SRGAP3: variants seen among roughly 807,000 people sequenced by gnomAD.
The protein encoded by SRGAP3 is SLIT-ROBO Rho GTPase activating protein 3.
Under a neutral mutation model 121.1 loss-of-function variants are expected in SRGAP3, and 39 were observed. The ratio of observed to expected loss-of-function variants is 0.32; its 90% CI spans 0.25 to 0.42. The LOEUF (loss-of-function observed/expected upper bound fraction) is 0.42, where lower values mean the gene tolerates loss of function less well. SRGAP3 is among the 10% of genes least tolerant of loss of function. The pLI is 1.00. For missense variants in SRGAP3, 1,213 were observed against 1,470.6 expected, an observed-to-expected ratio of 0.82 and a Z score of 2.86; for synonymous variants, 601 against 570.0, an observed-to-expected ratio of 1.05 and a Z score of -0.77.
chr3:9,145,423 T>C (rs1949991396), intron 1 of SRGAP3, among the ~76,000 whole-genome samples: 1 of 152,206 alleles, frequency 6.6e-6, no homozygotes, highest in Non-Finnish European at 1.5e-5. Flanking sequence ...TTCTCTCTGT[T>C]TTATGTAAGT....
chr3:9,091,493 T>C (rs1472489335), intron 3 of SRGAP3, among the ~76,000 whole-genome samples: 1 of 152,146 alleles, frequency 6.6e-6, no homozygotes, highest in Non-Finnish European at 1.5e-5. Flanking sequence ...TCACAAAACT[T>C]GAGACCCACA....
In SRGAP3 at chr3:9,212,470, C is replaced by T. The variant is rs572841045; in HGVS notation, c.67+36415G>A. ...GGCACAGTGGCTCATGCCTGTAATC[C>T]CAGCACTTTGGGAGGCTGAGGCAGG... is the stretch of plus-strand genomic sequence containing the variant. On this transcript the variant is annotated intron_variant, in intron 1 of 21. Coordinates refer to ENST00000383836, the MANE Select transcript of SRGAP3 (RefSeq NM_014850.4). 4.0e-5 allele frequency among the ~76,000 whole-genome samples: 6 copies of T among 151,262 alleles called. No homozygotes were observed. The South Asian group carries it at 1.2e-3, about 31-fold the overall frequency.
At chr3:9,168,980 G>C (rs532781457) in intron 1 of SRGAP3, among the ~76,000 whole-genome samples, 1 of 152,332 alleles carries the variant, frequency 6.6e-6, no homozygotes, top group East Asian at 1.9e-4. Flanking sequence ...ACCCAGGTGA[G>C]AGCAAGATTT....
chr3:9,354,618 C>A (rs1231865666), intron 1 of SRGAP3, among the ~76,000 whole-genome samples: 1 of 146,668 alleles, frequency 6.8e-6, no homozygotes, highest in Non-Finnish European at 1.5e-5. Context: ...GGAGGCGGAG[C>A]TTGCAGTGAG....
At chr3:9,253,479 T>G (rs1954060654), upstream of SRGAP3, among the ~76,000 whole-genome samples, 1 of 152,184 alleles carries the variant, frequency 6.6e-6, no homozygotes, top group Non-Finnish European at 1.5e-5. Context: ...TTTCTTTTCC[T>G]GGTAGAAAGA....
chr3:9,075,918 C>A (rs984529386), intron 4 of SRGAP3, among the ~76,000 whole-genome samples: 26 of 152,168 alleles, frequency 1.7e-4, no homozygotes, highest in Non-Finnish European at 1.0e-4. Flanking sequence ...GAACTGTTTG[C>A]AAAGAGGATT....
chr3:9,226,309 T>C (rs1223255955), intron 1 of SRGAP3, among the ~76,000 whole-genome samples: 11 of 152,352 alleles, frequency 7.2e-5, no homozygotes, highest in Non-Finnish European at 1.5e-4. Context: ...TTTCCTCTAC[T>C]GGGCTGCAGA....
chr3:9,333,902 G>A (rs1394070039), intron 1 of SRGAP3, among the ~76,000 whole-genome samples: 2 of 152,112 alleles, frequency 1.3e-5, no homozygotes, highest in Non-Finnish European at 2.9e-5. Context: ...GTCAACATAA[G>A]ACTTGGGCTC....
chr3:9,136,405 C>A (rs1296748258), intron 1 of SRGAP3, among the ~76,000 whole-genome samples: 1 of 147,554 alleles, frequency 6.8e-6, no homozygotes, highest in East Asian at 2.0e-4. Flanking sequence ...CCCCCCCCCC[C>A]CCCGACCGCC....
chr3:9,332,790 G>A (rs1445737611), intron 1 of SRGAP3, among the ~76,000 whole-genome samples: 1 of 152,122 alleles, frequency 6.6e-6, no homozygotes, highest in Non-Finnish European at 1.5e-5. Context: ...GAAGGCAAGG[G>A]TCATTTACCT....
chr3:9,206,621 C>T lies in SRGAP3; in HGVS notation c.67+42264G>A, dbSNP rs140976704. Among the ~76,000 whole-genome samples, 6 of 152,282 alleles carry T rather than the reference C, an allele frequency of 3.9e-5. No homozygotes were observed. The East Asian group carries it at 1.2e-3, about 29-fold the overall frequency. On this transcript the variant is annotated intron_variant, in intron 1 of 21. Coordinates refer to ENST00000383836, the MANE Select transcript of SRGAP3 (RefSeq NM_014850.4). ...TTAAACCTGCTAAAAATGCCCAGGG[C>T]CATGGCACATGCTGTTTCTCCCACC...
At chr3:9,128,355 A>C (rs1040458460) in intron 1 of SRGAP3, among the ~76,000 whole-genome samples, 5 of 152,252 alleles carry the variant, frequency 3.3e-5, no homozygotes, top group African/African-American at 7.2e-5. Flanking sequence ...GAAAAAATTA[A>C]AATGTCCATT....
At chr3:9,359,862 T>A (rs901206546) in intron 1 of SRGAP3, among the ~76,000 whole-genome samples, 7 of 152,254 alleles carry the variant, frequency 4.6e-5, no homozygotes, top group Non-Finnish European at 1.0e-4. Context: ...CATTAGCTGA[T>A]GAACATTTGG....
rs752266662 is a variant in SRGAP3, at chr3:9,248,983, GTTTGA to G, written c.-37_-33del. 6.2e-7 allele frequency: 1 copy of G among 1,606,322 alleles called. No individual in the cohort carries two copies. Among genetic ancestry groups the G allele is most frequent in the Non-Finnish European group, 8.5e-7 (1 of 1,172,924 alleles). The stretch of plus-strand genomic sequence containing the variant: ...ACGTGGCCAAAGGAACTGACAGGCT[GTTTGA>G]TTTATTTCTCCTTTTCTTTTCGAGT... On this transcript the variant is annotated 5_prime_UTR_variant, in exon 1 of 22. Coordinates refer to ENST00000383836, the MANE Select transcript of SRGAP3 (RefSeq NM_014850.4).
chr3:9,344,963 G>C (rs1222776965), intron 1 of SRGAP3, among the ~76,000 whole-genome samples: 1 of 152,060 alleles, frequency 6.6e-6, no homozygotes, highest in Non-Finnish European at 1.5e-5. Flanking sequence ...CTTGAACCTG[G>C]GAGACAGAGG....
At chr3:9,038,479 G>A (rs1039854382) in intron 10 of SRGAP3, among the ~76,000 whole-genome samples, 2 of 152,172 alleles carry the variant, frequency 1.3e-5, no homozygotes, top group African/African-American at 4.8e-5. Flanking sequence ...ACCACCCCTG[G>A]TGATCACTTC....
chr3:9,007,365 AG>A (rs1213219780), intron 18 of SRGAP3: 1 of 152,212 alleles, frequency 6.6e-6, no homozygotes, highest in Non-Finnish European at 1.5e-5. Context: ...TGCATGGCAA[AG>A]ACCTGGACTC....
At chr3:9,362,162 CTTTTTTTTTTTT>C (rs36036357) in intron 1 of SRGAP3, among the ~76,000 whole-genome samples, 6 of 90,960 alleles carry the variant, frequency 6.6e-5, no homozygotes, top group African/African-American at 1.9e-4. Context: ...AGGTTCAACT[CTTTTTTTTTTTT>C]TTTTTTTTTT....
At chr3:9,047,231 C>G (rs1473158636) in intron 10 of SRGAP3, among the ~76,000 whole-genome samples, 160 bp downstream of exon 10, 1 of 152,100 alleles carries the variant, frequency 6.6e-6, no homozygotes, top group Non-Finnish European at 1.5e-5. Flanking sequence ...GGCATCTGTA[C>G]CAAGGTGATT....
Sources: allele counts gnomAD v4.1 joint callset (sites outside exome capture counted in the v4.1 genomes callset), GRCh38; gene constraint gnomAD v4.1.1; transcripts MANE v1.5; gene names NCBI Gene and HGNC (gene_info 2026-07-23, HGNC 2026-07-21).